Variants in DOCK1 observed in about 807,000 individuals in gnomAD.
DOCK1 encodes dedicator of cytokinesis 1, also known as dedicator of cytokinesis protein 1.
DOCK1 carries 138 observed loss-of-function variants against 262.7 expected under a neutral mutation model. The ratio of observed to expected loss-of-function variants is 0.53; its 90% CI spans 0.46 to 0.61. DOCK1 has a LOEUF of 0.61. Ranked by LOEUF, DOCK1 falls within the 20% of genes least tolerant of loss-of-function variation. The pLI is 0.00. For synonymous variants in DOCK1, 866 were observed against 867.4 expected, an observed-to-expected ratio of 1.00 and a Z score of 0.03; for missense variants, 1,908 against 2,370.7, an observed-to-expected ratio of 0.80 and a Z score of 4.05.
At chr10:126,956,429 G>A (rs1165843354) in intron 1 of DOCK1, among the ~76,000 whole-genome samples, 1 of 152,124 alleles carries the variant, frequency 6.6e-6, no homozygotes, top group African/African-American at 2.4e-5. Flanking sequence ...CCAGGTCCTG[G>A]TGCAGCTGAG....
chr10:127,314,800 T>A (rs2062203404), intron 29 of DOCK1, among the ~76,000 whole-genome samples: 1 of 152,182 alleles, frequency 6.6e-6, no homozygotes, highest in East Asian at 1.9e-4. Context: ...ATGTGTGTGC[T>A]GACCTCGCAC....
chr10:126,961,186 A>C (rs967520341), intron 1 of DOCK1, among the ~76,000 whole-genome samples: 1 of 152,170 alleles, frequency 6.6e-6, no homozygotes, highest in African/African-American at 2.4e-5. Flanking sequence ...TGCATGAAAT[A>C]CTGCCTCAGG....
At chr10:126,990,640 A>G (rs754046061) in intron 6 of DOCK1, 37 bp downstream of exon 6, 2 of 1,605,022 alleles carry the variant, frequency 1.2e-6, no homozygotes, top group Admixed American at 1.7e-5. Flanking sequence ...CGCTTAAATT[A>G]TCCAATGTAA....
At chr10:127,004,246 A>C (rs1435547081) in intron 10 of DOCK1, among the ~76,000 whole-genome samples, 1 of 137,456 alleles carries the variant, frequency 7.3e-6, no homozygotes, top group Non-Finnish European at 1.6e-5. Flanking sequence ...TCTCAAAAAA[A>C]AAAAGAAAAG....
intron 27 of DOCK1, among the ~76,000 whole-genome samples, chr10:127,230,945 T>C (rs556232681): frequency 6.6e-6 from 1 of 152,282 alleles, no homozygotes; most frequent in African/African-American, 2.4e-5. Context: ...TCCATGAACA[T>C]AAGGTATCTT....
chr10:127,015,617 A>G (rs988638035), intron 12 of DOCK1, among the ~76,000 whole-genome samples: 1 of 152,068 alleles, frequency 6.6e-6, no homozygotes, highest in Non-Finnish European at 1.5e-5. Context: ...TGCAAGGGGC[A>G]CCGTCTCTGT....
chr10:127,026,391 C>T lies in DOCK1; in HGVS notation c.1591C>T (p.Arg531Trp), dbSNP rs1273560968. 5.7e-6 allele frequency: 9 copies of T among 1,578,316 alleles called. No homozygotes were observed. The highest frequency in any genetic ancestry group is 1.7e-4 in the Middle Eastern group (1 of 6,014). ...CGAGGACGTTAACCGCAGTCACCTT[C>T]GGTTTACCTTCCGCCACAGGTCATC... ...PIEDVNRSHLRFTFRHRSSQD... is the reference protein window; with the variant it reads ...PIEDVNRSHLWFTFRHRSSQD... Residue 531 changes from arginine (R) to tryptophan (W), a missense_variant, in exon 16 of 52, where the codon CGG becomes TGG. This residue lies in a region of DOCK1 where 294 missense variants were observed against 439.9 expected (regional missense o/e 0.67). Coordinates refer to ENST00000623213, the MANE Select transcript of DOCK1 (RefSeq NM_001290223.2).
chr10:127,278,203 T>C (rs74158649), intron 29 of DOCK1, among the ~76,000 whole-genome samples: 2,912 of 152,204 alleles, frequency 0.019, 102 homozygotes, highest in African/African-American at 0.067. Context: ...TAAGCAAATT[T>C]GCACATGGCT....
chr10:127,383,279 T>A (rs2065919693), intron 37 of DOCK1, among the ~76,000 whole-genome samples: 1 of 152,198 alleles, frequency 6.6e-6, no homozygotes, highest in Non-Finnish European at 1.5e-5. Context: ...GATTTTTGCT[T>A]CCCTAGTCCA....
intron 27 of DOCK1, among the ~76,000 whole-genome samples, chr10:127,212,855 G>A (rs190597709): frequency 6.7e-6 from 1 of 148,734 alleles, no homozygotes; most frequent in Middle Eastern, 3.5e-3. Context: ...TTGCTTCAGC[G>A]TCTCTTCTGT....
intron 45 of DOCK1, 62 bp from the exon 46 acceptor site, chr10:127,419,592 TGGCACACAGTAA>T: frequency 8.6e-6 from 12 of 1,397,734 alleles, no homozygotes; most frequent in Non-Finnish European, 1.2e-5. Context: ...TCTCAGGGCC[TGGCACACAGTAA>T]GTGTGCAAAA....
intron 34 of DOCK1, 68 bp downstream of exon 34, chr10:127,373,934 A>G (rs2134037493): frequency 1.3e-6 from 2 of 1,544,226 alleles, no homozygotes; most frequent in South Asian, 2.4e-5. Context: ...TAATTAGACT[A>G]CAATGAACTT....
intron 29 of DOCK1, among the ~76,000 whole-genome samples, chr10:127,309,208 T>G (rs1428924488): frequency 6.6e-6 from 1 of 150,732 alleles, no homozygotes. Flanking sequence ...CTTTTTTTTT[T>G]CACATTTGTT....
chr10:127,127,153 A>G (rs1421979102), intron 26 of DOCK1, among the ~76,000 whole-genome samples: 1 of 152,246 alleles, frequency 6.6e-6, no homozygotes, highest in African/African-American at 2.4e-5. Flanking sequence ...TTCACGAAGA[A>G]GAATCAACAA....
At chr10:127,052,840 C>A in intron 22 of DOCK1, 25 bp downstream of exon 22, 1 of 1,593,602 alleles carries the variant, frequency 6.3e-7, no homozygotes, top group East Asian at 2.3e-5. Context: ...CCTCCATGCC[C>A]GGGCTCTCAG....
At position 126,995,450 on chromosome 10, in the gene DOCK1, C is replaced by A. The variant is rs2040117877; in HGVS notation, c.474-1298C>A. Among the ~76,000 whole-genome samples the A allele has an allele frequency of 1.3e-5, 2 of 152,322 alleles. No individual in the cohort carries two copies. Among genetic ancestry groups the A allele is most frequent in the South Asian group, 2.1e-4 (1 of 4,832 alleles). On this transcript the variant is annotated intron_variant, in intron 6 of 51. Coordinates refer to ENST00000623213, the MANE Select transcript of DOCK1 (RefSeq NM_001290223.2). This position sits in a 1 kb window ranked among gnomAD's most constrained non-coding sequence, Gnocchi z 5.8. ...GGTCAGGAGCTGGAGACCAGCCGGG[C>A]CAACCCGGTGAAACCCCGTCTCCAT...
At chr10:127,127,405 CA>C (rs2050030449) in intron 26 of DOCK1, among the ~76,000 whole-genome samples, 1 of 152,120 alleles carries the variant, frequency 6.6e-6, no homozygotes, top group South Asian at 2.1e-4. Flanking sequence ...ATTGTTTAAA[CA>C]GATTTTCTTT....
At chr10:126,988,844 G>A (rs1195542955) in intron 5 of DOCK1, among the ~76,000 whole-genome samples, 12 of 152,090 alleles carry the variant, frequency 7.9e-5, no homozygotes, top group Admixed American at 4.6e-4. Context: ...AGGCCGAGGC[G>A]GATGGATCAC....
intron 13 of DOCK1, 28 bp downstream of exon 13, chr10:127,018,863 C>T (rs1362593657): frequency 1.2e-6 from 2 of 1,610,972 alleles, no homozygotes; most frequent in South Asian, 1.1e-5. Context: ...CAGGGCTTCT[C>T]AGCATGGCAT....
Sources: gnomAD v4.1 joint callset for allele counts (sites outside exome capture counted in the v4.1 genomes callset) on GRCh38, gnomAD v4.1.1 for gene constraint, gnomAD v4.1.1 regional missense constraint, Gnocchi (gnomAD v3.1) non-coding constraint, MANE v1.5 for transcripts, NCBI Gene and HGNC (gene_info 2026-07-23, HGNC 2026-07-21) for gene names.